UBE2E1: variants seen among roughly 807,000 people sequenced by gnomAD.
UBE2E1 encodes the protein ubiquitin conjugating enzyme E2 E1, also known as ubiquitin-conjugating enzyme E2 E1.
A neutral mutation model predicts 21.4 loss-of-function variants in UBE2E1; 6 were observed. The observed-to-expected ratio is 0.28, with a 90% CI of 0.15 to 0.55. The LOEUF is 0.55. UBE2E1 is among the 20% of genes least tolerant of loss of function. UBE2E1 has a pLI of 0.93. For missense variants in UBE2E1, 142 were observed against 236.5 expected (o/e 0.60, Z 2.62); for synonymous variants, 87 against 82.7 (o/e 1.05, Z -0.28).
intron 2 of UBE2E1, 151 bp from the exon 3 acceptor site, chr3:23,811,309 G>C: frequency 1.4e-6 from 1 of 694,896 alleles, no homozygotes; most frequent in Non-Finnish European, 2.5e-6. Context: ...TCCTAAACTA[G>C]GGACCTGAAG....
At chr3:23,817,408 TGA>T (rs1699549465) in intron 3 of UBE2E1, among the ~76,000 whole-genome samples, 1 of 124,284 alleles carries the variant, frequency 8.0e-6, no homozygotes, top group Non-Finnish European at 1.6e-5. Flanking sequence ...GTTGACAGAG[TGA>T]GACTCTGTCT....
intron 4 of UBE2E1, among the ~76,000 whole-genome samples, chr3:23,888,587 T>C (rs1701254813): frequency 1.3e-5 from 2 of 152,210 alleles, no homozygotes; most frequent in South Asian, 2.1e-4. Context: ...GTGATGTAGG[T>C]AGACAGGATG....
chr3:23,822,408 T>C (rs1212635173), intron 3 of UBE2E1, among the ~76,000 whole-genome samples: 1 of 152,236 alleles, frequency 6.6e-6, no homozygotes, highest in Admixed American at 6.5e-5. Flanking sequence ...GTATATATAA[T>C]TTTGTGGGGA....
At chr3:23,843,113 A>T (rs140214453) in intron 3 of UBE2E1, among the ~76,000 whole-genome samples, 3 of 151,356 alleles carry the variant, frequency 2.0e-5, no homozygotes, top group African/African-American at 7.3e-5. Flanking sequence ...TTCAAGGACA[A>T]TTTTTTTCAG....
At chr3:23,862,890 T>A (rs1700584591) in intron 3 of UBE2E1, among the ~76,000 whole-genome samples, 1 of 152,128 alleles carries the variant, frequency 6.6e-6, no homozygotes. Context: ...CACACTCAGC[T>A]AATTTTTAAA....
chr3:23,817,772 A>G (rs1699561014), intron 3 of UBE2E1, among the ~76,000 whole-genome samples: 1 of 152,206 alleles, frequency 6.6e-6, no homozygotes, highest in South Asian at 2.1e-4. Context: ...AGAAGTGAGT[A>G]AAAGCTGTGT....
intron 3 of UBE2E1, among the ~76,000 whole-genome samples, chr3:23,884,873 C>A (rs1335616935): frequency 6.6e-6 from 1 of 152,178 alleles, no homozygotes; most frequent in Non-Finnish European, 1.5e-5. Flanking sequence ...TTACCATAAA[C>A]TAGATAAAAG....
In UBE2E1 at chr3:23,860,407, C is replaced by T. The variant is rs75440813; in HGVS notation, c.204-27160C>T. Among the ~76,000 whole-genome samples the T allele has an allele frequency of 3.3e-3, 509 of 152,220 alleles. 1 individual carries two copies. Among genetic ancestry groups the T allele is most frequent in the African/African-American group, 0.012 (479 of 41,512 alleles). On this transcript the variant is annotated intron_variant, in intron 3 of 5. Transcript: ENST00000306627. ...TTGTGGGGCTCATTGTTAATGGAAG[C>T]GCACATTAACAAAACACTAAAATGG...
At chr3:23,857,837 C>G (rs1700474163) in intron 3 of UBE2E1, among the ~76,000 whole-genome samples, 1 of 152,162 alleles carries the variant, frequency 6.6e-6, no homozygotes, top group Non-Finnish European at 1.5e-5. Context: ...TAGCAATGAC[C>G]TTAGCTAGTC....
intron 3 of UBE2E1, among the ~76,000 whole-genome samples, chr3:23,838,546 G>A (rs1188342088): frequency 6.6e-6 from 1 of 151,980 alleles, no homozygotes; most frequent in Non-Finnish European, 1.5e-5. Flanking sequence ...CCAGGCCGGA[G>A]TGCAGTGGCC....
intron 3 of UBE2E1, among the ~76,000 whole-genome samples, chr3:23,881,997 C>G (rs1199637205): frequency 6.6e-6 from 1 of 152,176 alleles, no homozygotes; most frequent in Non-Finnish European, 1.5e-5. Context: ...TTGCTGGCCT[C>G]AGGAGTGAAG....
At chr3:23,862,851 A>G (rs906280270) in intron 3 of UBE2E1, among the ~76,000 whole-genome samples, 2 of 152,070 alleles carry the variant, frequency 1.3e-5, no homozygotes, top group Admixed American at 6.6e-5. Context: ...TCAGCCTTCC[A>G]AGTAGCTGGG....
chr3:23,889,946 AT>A (rs961871905), intron 5 of UBE2E1: 1 of 155,338 alleles, frequency 6.4e-6, no homozygotes, highest in African/African-American at 2.4e-5. Context: ...ACACAGACAA[AT>A]ATATTTTCTA....
chr3:23,828,190 A>G (rs543799102), intron 3 of UBE2E1, among the ~76,000 whole-genome samples: 2 of 152,340 alleles, frequency 1.3e-5, no homozygotes, highest in East Asian at 1.9e-4. Flanking sequence ...AAAAGTATGA[A>G]TGATTACTGA....
At chr3:23,807,801 A>G (rs530216926) in intron 2 of UBE2E1, 154 of 161,452 alleles carry the variant, frequency 9.5e-4, no homozygotes, top group African/African-American at 3.5e-3. Flanking sequence ...ATCAAAATGA[A>G]TTCTGTGACC....
intron 3 of UBE2E1, among the ~76,000 whole-genome samples, chr3:23,875,314 A>G (rs1700891510): frequency 6.6e-6 from 1 of 152,208 alleles, no homozygotes; most frequent in South Asian, 2.1e-4. Flanking sequence ...ATCTAATTAA[A>G]TATTGGTAAC....
At chr3:23,858,860 G>A (rs1700494927) in intron 3 of UBE2E1, among the ~76,000 whole-genome samples, 1 of 152,158 alleles carries the variant, frequency 6.6e-6, no homozygotes. Flanking sequence ...ATGTGAGGGA[G>A]AGGAGGGTTG....
chr3:23,843,076 CTT>C lies in UBE2E1; in HGVS notation c.203+31578_203+31579del, dbSNP rs55762254. Among the ~76,000 whole-genome samples, 429 of 140,942 alleles carry C rather than the reference CTT, an allele frequency of 3.0e-3. 10 individuals are homozygous for C. In the East Asian group the frequency reaches 0.047, roughly 15 times the overall value. 92.5% of individuals were successfully genotyped at this position (140,942 alleles called of 152,430 possible). The stretch of plus-strand genomic sequence containing the variant: ...TATAGTATGATTATTTGGCTTAAAG[CTT>C]TTTTTTTTTTTAGCAGGAGCATAGT... On this transcript the variant is annotated intron_variant, in intron 3 of 5. Coordinates refer to ENST00000306627, the MANE Select transcript of UBE2E1 (RefSeq NM_003341.5).
At chr3:23,832,378 C>T (rs1237398404) in intron 3 of UBE2E1, among the ~76,000 whole-genome samples, 2 of 152,198 alleles carry the variant, frequency 1.3e-5, no homozygotes, top group Non-Finnish European at 2.9e-5. Flanking sequence ...GGCGCAGTGG[C>T]TCACGCCTGT....
Sources: allele counts gnomAD v4.1 joint callset (sites outside exome capture counted in the v4.1 genomes callset), GRCh38; gene constraint gnomAD v4.1.1; transcripts MANE v1.5; gene names NCBI Gene and HGNC (gene_info 2026-07-23, HGNC 2026-07-21).